Variants in GPR37 observed in about 807,000 individuals in gnomAD.
GPR37 encodes the protein prosaposin receptor GPR37.
GPR37 carries 20 observed loss-of-function variants against 43.6 expected under a neutral mutation model. The observed-to-expected ratio is 0.46, with a 90% CI of 0.32 to 0.67. The LOEUF (loss-of-function observed/expected upper bound fraction) is 0.67, where lower values mean the gene tolerates loss of function less well. GPR37 is among the 30% of genes least tolerant of loss of function. The probability of loss-of-function intolerance (pLI) is 0.03; values close to 1 mark genes in which losing one functional copy is unlikely to be tolerated. For missense variants in GPR37, 724 were observed against 797.2 expected (o/e 0.91, Z 1.11); for synonymous variants, 315 against 322.6 (o/e 0.98, Z 0.25).
At chr7:124,752,095 C>T (rs1793740764) in intron 1 of GPR37, among the ~76,000 whole-genome samples, 1 of 152,074 alleles carries the variant, frequency 6.6e-6, no homozygotes, top group African/African-American at 2.4e-5. Context: ...CTTTGTGTCC[C>T]AGAGTAACAA....
chr7:124,748,853 A>G (rs1793702966), intron 1 of GPR37, among the ~76,000 whole-genome samples: 1 of 152,026 alleles, frequency 6.6e-6, no homozygotes, highest in South Asian at 2.1e-4. Flanking sequence ...TTTCACATAG[A>G]GGCTCTCCAG....
chr7:124,754,399 T>TC (rs1793768952), intron 1 of GPR37, among the ~76,000 whole-genome samples: 1 of 152,152 alleles, frequency 6.6e-6, no homozygotes, highest in African/African-American at 2.4e-5. Context: ...GAGTAAGACG[T>TC]GAAGTAGACA....
rs571969748 is a variant in GPR37, at chr7:124,748,281, A to G, written c.1024-938T>C. ...GAACTGGGGGAAAAGGAGGGAAAAA[A>G]ATGGCAAATTCTAACTGGGAGCCTG... is the stretch of plus-strand genomic sequence containing the variant. On this transcript the variant is annotated intron_variant, in intron 1 of 1. Transcript: ENST00000303921. 1.2e-4 allele frequency among the ~76,000 whole-genome samples: 18 copies of G among 152,158 alleles called. No homozygotes were observed. The South Asian group carries it at 2.7e-3, about 23-fold the overall frequency.
intron 1 of GPR37, among the ~76,000 whole-genome samples, chr7:124,758,842 T>A (rs893825567): frequency 2.6e-5 from 4 of 152,174 alleles, no homozygotes; most frequent in African/African-American, 9.7e-5. Context: ...TCTGGGGTTA[T>A]CTCATTATAA....
intron 1 of GPR37, among the ~76,000 whole-genome samples, chr7:124,759,066 AT>A (rs541602933): frequency 0.016 from 2,174 of 137,070 alleles, 32 homozygotes; most frequent in African/African-American, 0.038. Context: ...AATTATTTGA[AT>A]TTTTTTTTTT....
intron 1 of GPR37, among the ~76,000 whole-genome samples, chr7:124,755,137 C>A (rs1162227569): frequency 6.6e-6 from 1 of 152,116 alleles, no homozygotes; most frequent in Non-Finnish European, 1.5e-5. Context: ...TTCATGCACA[C>A]ACTGCTTGTG....
intron 1 of GPR37, among the ~76,000 whole-genome samples, chr7:124,761,029 C>T (rs967137734): frequency 4.6e-5 from 7 of 151,870 alleles, no homozygotes; most frequent in African/African-American, 7.3e-5. Context: ...TGTGGTGACA[C>T]GCACCCGTAG....
intron 1 of GPR37, among the ~76,000 whole-genome samples, chr7:124,762,631 A>G (rs1793863744): frequency 1.3e-5 from 2 of 152,260 alleles, no homozygotes; most frequent in Non-Finnish European, 2.9e-5. Flanking sequence ...TTTCAGAGAT[A>G]CGCCAAGCTT....
Position 124,747,048 on chromosome 7 carries a change from C to T in GPR37, c.1319G>A (p.Ser440Asn). 6.2e-7 allele frequency: 1 copy of T among 1,613,974 alleles called. No homozygotes were observed. The highest frequency in any genetic ancestry group is 8.5e-7 in the Non-Finnish European group (1 of 1,179,908). Reference sequence around the variant, plus strand: ...GCCAAAATACCACCACAGTCTCGCACTGTCGTAGGTGAGGGCTAGAACATA... The same window carrying T: ...GCCAAAATACCACCACAGTCTCGCATTGTCGTAGGTGAGGGCTAGAACATA... ...TIYVLALTYD[S>N]ARLWWYFGCY... is the part of the protein sequence containing the mutation. The change falls in exon 2 of 2, where the codon AGT (serine) becomes AAT (asparagine). Residue 440 changes from serine to asparagine, a missense_variant. Physicochemically the swap from Ser to Asn is conservative, Grantham distance 46. Transcript: ENST00000303921.
Position 124,746,706 on chromosome 7 carries a change from T to C in GPR37, c.1661A>G (p.Lys554Arg). Reference protein sequence around the residue: ...VTPVLLFCLCKPFSRAFMECC... With the variant: ...VTPVLLFCLCRPFSRAFMECC... Reference sequence around the variant, plus strand: ...CTCCATGAAGGCCCGACTGAAGGGTTTGCAGAGACAGAAAAGGAGGACTGG... The same window carrying C: ...CTCCATGAAGGCCCGACTGAAGGGTCTGCAGAGACAGAAAAGGAGGACTGG... The change falls in exon 2 of 2, where the codon AAA becomes AGA. Residue 554 changes from lysine to arginine, a missense_variant. Lys to Arg is a conservative substitution (Grantham distance 26). This residue lies in a region of GPR37 where 342 missense variants were observed against 441.8 expected (regional missense o/e 0.77). Transcript: ENST00000303921. 1 of 1,613,944 alleles carries C rather than the reference T, an allele frequency of 6.2e-7. No homozygotes were observed. The highest frequency in any genetic ancestry group is 8.5e-7 in the Non-Finnish European group (1 of 1,179,908).
chr7:124,759,688 A>G (rs1461920423), intron 1 of GPR37, among the ~76,000 whole-genome samples: 2 of 152,154 alleles, frequency 1.3e-5, no homozygotes, highest in African/African-American at 4.8e-5. Flanking sequence ...TAAAGATGTC[A>G]TAATCCTGGA....
At chr7:124,755,560 T>C (rs1014432840) in intron 1 of GPR37, among the ~76,000 whole-genome samples, 26 of 152,170 alleles carry the variant, frequency 1.7e-4, no homozygotes, top group African/African-American at 5.8e-4. Flanking sequence ...GTACATTCCT[T>C]ATATGGTTAA....
At position 124,746,683 on chromosome 7, in the gene GPR37, C is replaced by G. The variant is rs755773267; in HGVS notation, c.1684G>C (p.Glu562Gln). 1 of 1,613,924 alleles carries G rather than the reference C, an allele frequency of 6.2e-7. No homozygotes were observed. The highest frequency in any genetic ancestry group is 1.7e-5 in the Admixed American group (1 of 59,996). ...LCKPFSRAFM[E>Q]CCCCCCEECI... ...TCCTCACAGCAACAGCAGCAGCACT[C>G]CATGAAGGCCCGACTGAAGGGTTTG... The change falls in exon 2 of 2, where the codon GAG becomes CAG. Residue 562 changes from glutamate (E) to glutamine (Q), a missense_variant. Physicochemically the swap from Glu to Gln is conservative, Grantham distance 29. Coordinates refer to ENST00000303921, the MANE Select transcript of GPR37 (RefSeq NM_005302.5).
At chr7:124,754,848 TG>T (rs1793774228) in intron 1 of GPR37, among the ~76,000 whole-genome samples, 1 of 152,146 alleles carries the variant, frequency 6.6e-6, no homozygotes, top group Admixed American at 6.5e-5. Context: ...AACCTCTAAA[TG>T]GCTGGAGCTT....
In GPR37 at chr7:124,747,339, G is replaced by A; in HGVS notation, c.1028C>T (p.Ala343Val). 1 of 1,603,054 alleles carries A rather than the reference G, an allele frequency of 6.2e-7. No individual in the cohort carries two copies. Among genetic ancestry groups the A allele is most frequent in the East Asian group, 2.2e-5 (1 of 44,774 alleles). The change falls in exon 2 of 2, where the codon GCT becomes GTT. Residue 343 changes from alanine (A) to valine (V), a missense_variant. Transcript: ENST00000303921. Reference protein sequence around the residue: ...SCKIVPYIEVASLGVTTFTLC... With the variant: ...SCKIVPYIEVVSLGVTTFTLC... ...GGTGAAAGTGGTGACTCCCAGAGAAGCGACCTGTGGGGGAACATAGAAGAC... is the reference window on the plus strand; with the variant it reads ...GGTGAAAGTGGTGACTCCCAGAGAAACGACCTGTGGGGGAACATAGAAGAC...
At chr7:124,760,416 A>T (rs1170365506) in intron 1 of GPR37, among the ~76,000 whole-genome samples, 1 of 152,188 alleles carries the variant, frequency 6.6e-6, no homozygotes, top group African/African-American at 2.4e-5. Flanking sequence ...AATTTAACCT[A>T]TATAACTTTT....
chr7:124,746,273 A>G lies in GPR37; in HGVS notation c.*252T>C, dbSNP rs1788712913. ...AGTTAAGTTGCAGTAACTTTTTTCA[A>G]ATAAAATATTAGCACCATACCAGAT... On this transcript the variant is annotated 3_prime_UTR_variant, in exon 2 of 2. Coordinates refer to ENST00000303921, the MANE Select transcript of GPR37 (RefSeq NM_005302.5). 3 of 317,384 alleles carry G rather than the reference A, an allele frequency of 9.5e-6. No homozygotes were observed. The highest frequency in any genetic ancestry group is 1.1e-5 in the Non-Finnish European group (2 of 176,028). The allele number at this position is 317,384 out of a possible 1,614,324, so 19.7% of individuals were successfully genotyped here.
At chr7:124,747,435 A>C (rs919021306) in intron 1 of GPR37, 92 bp from the exon 2 acceptor site, 1 of 746,834 alleles carries the variant, frequency 1.3e-6, no homozygotes, top group African/African-American at 1.8e-5. Flanking sequence ...ACTGTAAAAA[A>C]AAATATGGAT....
intron 1 of GPR37, among the ~76,000 whole-genome samples, chr7:124,749,282 A>C (rs1793706663): frequency 6.6e-6 from 1 of 152,122 alleles, no homozygotes; most frequent in Admixed American, 6.6e-5. Context: ...TGAGACTAAA[A>C]GAAAACTCCC....
Sources: allele counts gnomAD v4.1 joint callset (sites outside exome capture counted in the v4.1 genomes callset), GRCh38; gene constraint gnomAD v4.1.1; regional missense constraint gnomAD v4.1.1; transcripts MANE v1.5; gene names NCBI Gene and HGNC (gene_info 2026-07-23, HGNC 2026-07-21).